The following NBPF14 variants were observed in gnomAD, a reference collection of about 807,000 sequenced individuals.
NBPF14 encodes NBPF member 14.
NBPF14 carries 104 observed loss-of-function variants against 91.2 expected under a neutral mutation model. The ratio of observed to expected loss-of-function variants is 1.14; its 90% confidence interval spans 0.97 to 1.34. NBPF14 has a LOEUF of 1.34. Among genes scored for constraint, NBPF14 ranks in the 40% most tolerant of loss-of-function variants. The probability of loss-of-function intolerance (pLI) is 0.00; values close to 1 mark genes in which losing one functional copy is unlikely to be tolerated. For missense variants in NBPF14, 908 were observed against 783.0 expected (o/e 1.16, Z -1.91); for synonymous variants, 294 against 303.8 (o/e 0.97, Z 0.34).
chr1:148,559,208 A>T, intron 37 of NBPF14, 136 bp from the exon 38 acceptor site: 2 of 479,550 alleles, frequency 4.2e-6, no homozygotes, highest in Non-Finnish European at 7.0e-6. Context: ...GATAGTCTTC[A>T]GGAGGCCTGA....
rs1388427186 is a variant in NBPF14, at chr1:148,595,298, G to A, written c.175+245C>T. On this transcript the variant is annotated intron_variant, in intron 2 of 70. Coordinates refer to ENST00000619423, the Ensembl canonical transcript of NBPF14. The stretch of plus-strand genomic sequence containing the variant: ...AGAAAACAGGTCATTCTGTGCCTGC[G>A]TTAGAAATCAATAACTGTGAGTTTA... Among the ~76,000 whole-genome samples the A allele has an allele frequency of 7.4e-5, 11 of 148,230 alleles. 1 individual carries two copies. Among genetic ancestry groups the A allele is most frequent in the East Asian group, 1.9e-4 (1 of 5,184 alleles).
intron 21 of NBPF14, 85 bp downstream of exon 21, chr1:148,572,358 T>C (rs1275069908): frequency 5.2e-5 from 17 of 326,456 alleles, no homozygotes; most frequent in Non-Finnish European, 7.7e-5. Context: ...GTCTCTCGGG[T>C]CAGTAAGGGG....
chr1:148,559,874 G>T lies in NBPF14; in HGVS notation c.4648C>A (p.Leu1550Met), dbSNP rs1271140063. The change falls in exon 37 of 71, where the codon CTG becomes ATG. Residue 1550 changes from leucine to methionine, a missense_variant. Leu to Met is a conservative substitution (Grantham distance 15). Coordinates refer to ENST00000619423, the Ensembl canonical transcript of NBPF14. Reference sequence around the variant, plus strand: ...CTATAGGGCTGGCATGAGTCAGTCAGTTCAAGACAACCTGAAGGAGTTGAA... The same window carrying T: ...CTATAGGGCTGGCATGAGTCAGTCATTTCAAGACAACCTGAAGGAGTTGAA... 5.6e-5 allele frequency: 79 copies of T among 1,416,064 alleles called. 12 individuals carry two copies. The East Asian group carries it at 1.9e-3, about 34-fold the overall frequency. The allele number at this position is 1,416,064 out of a possible 1,614,324, so 87.7% of individuals were successfully genotyped here.
chr1:148,534,302 C>A (rs1251260000), intron 69 of NBPF14, among the ~76,000 whole-genome samples: 11 of 151,686 alleles, frequency 7.3e-5, no homozygotes, highest in Admixed American at 4.6e-4. Flanking sequence ...AATATTTAGC[C>A]CTGTCTCATC....
chr1:148,534,669 T>A lies in NBPF14; in HGVS notation c.8614+15A>T. On this transcript the variant is annotated intron_variant, in intron 69 of 70. Transcript: ENST00000619423. ...ACCAGGTGGAGGCTTATCACCTTCA[T>A]AGTAAGGTACTCACTGTCCACGTCA... The A allele has an allele frequency of 1.2e-6, 1 of 804,136 alleles. No homozygotes were observed. Among genetic ancestry groups the A allele is most frequent in the South Asian group, 1.4e-5 (1 of 74,046 alleles). The allele number at this position is 804,136 out of a possible 1,614,324, so 49.8% of individuals were successfully genotyped here.
chr1:148,533,430 A>G (rs1383379054), intron 70 of NBPF14, among the ~76,000 whole-genome samples, 182 bp from the exon 71 acceptor site: 1 of 151,132 alleles, frequency 6.6e-6, no homozygotes, highest in Non-Finnish European at 1.5e-5. Flanking sequence ...GTAGAAAACA[A>G]TGAAAGAGAA....
At position 148,535,253 on chromosome 1, in the gene NBPF14, C is replaced by A. The variant is rs1164419373; in HGVS notation, c.8441+200G>T. Among the ~76,000 whole-genome samples, 79 of 150,596 alleles carry A rather than the reference C, an allele frequency of 5.2e-4. 1 individual carries two copies. The highest frequency in any genetic ancestry group is 1.9e-3 in the African/African-American group (78 of 40,370). ...CATACAGCCTTTGAGGTATGGTCAA[C>A]CTACAGTAAGTGAGTAAATGATAAG... On this transcript the variant is annotated intron_variant, in intron 68 of 70. Transcript: ENST00000619423.
intron 39 of NBPF14, 134 bp from the exon 40 acceptor site, chr1:148,557,676 A>T (rs2149496633): frequency 1.6e-6 from 1 of 616,562 alleles, no homozygotes; most frequent in African/African-American, 2.7e-5. Flanking sequence ...GATATACTTC[A>T]GGAGGCCTGA....
chr1:148,557,166 T>A (rs1656754697), intron 40 of NBPF14, among the ~76,000 whole-genome samples: 1 of 106,470 alleles, frequency 9.4e-6, no homozygotes, highest in Non-Finnish European at 1.7e-5. Context: ...TCTGAGTTAG[T>A]GCCCTCAGGA....
At chr1:148,572,777 C>G (rs1338368373) in intron 20 of NBPF14, among the ~76,000 whole-genome samples, 162 bp from the exon 21 acceptor site, 1 of 68,316 alleles carries the variant, frequency 1.5e-5, no homozygotes, top group African/African-American at 9.3e-5. Flanking sequence ...TAGAACAGGG[C>G]CAGATAGAAA....
chr1:148,572,399 G>A (rs1659242448), intron 21 of NBPF14, 44 bp downstream of exon 21: 20 of 415,884 alleles, frequency 4.8e-5, no homozygotes, highest in Non-Finnish European at 6.8e-5. Flanking sequence ...CCCCTATCTG[G>A]AAGACCAGGT....
chr1:148,554,762 T>C (rs1656435601), intron 43 of NBPF14, among the ~76,000 whole-genome samples: 1 of 147,060 alleles, frequency 6.8e-6, no homozygotes, highest in South Asian at 2.1e-4. Flanking sequence ...GAGTGAAGGA[T>C]GAAATCCACA....
rs1485777800 is a variant in NBPF14 at position 148,592,675 on chromosome 1, A to T, written c.370T>A (p.Tyr124Asn). The change falls in exon 4 of 71, where the codon TAT becomes AAT. Residue 124 changes from tyrosine to asparagine, a missense_variant. By Grantham distance (143) the Tyr-to-Asn change is moderately radical. Coordinates refer to ENST00000619423, the Ensembl canonical transcript of NBPF14. The stretch of plus-strand genomic sequence containing the variant: ...GTGAGGAGGGCCTGGAGATGCTCAT[A>T]CAATGAGCGGGAGGCATCTCTCCCT... The T allele has an allele frequency of 2.2e-4, 346 of 1,587,134 alleles. 24 individuals carry two copies. Among genetic ancestry groups the T allele is most frequent in the East Asian group, 1.1e-3 (49 of 44,814 alleles).
At chr1:148,578,164 T>G in intron 13 of NBPF14, 130 bp from the exon 14 acceptor site, 10 of 749,738 alleles carry the variant, frequency 1.3e-5, no homozygotes, top group South Asian at 1.3e-4. Flanking sequence ...GAGAGAAATA[T>G]TCCAGTAGGC....
chr1:148,533,517 G>A (rs1337753835), intron 70 of NBPF14, among the ~76,000 whole-genome samples: 5 of 151,208 alleles, frequency 3.3e-5, no homozygotes, highest in Non-Finnish European at 7.4e-5. Flanking sequence ...TACTGGTAAG[G>A]GAGTCAAAGG....
intron 37 of NBPF14, among the ~76,000 whole-genome samples, chr1:148,559,360 G>A (rs1657188515): frequency 7.7e-6 from 1 of 130,510 alleles, no homozygotes; most frequent in East Asian, 2.4e-4. Context: ...TCGATTTAAA[G>A]CAATTGCCCC....
At chr1:148,595,368 A>G (rs1663152753) in intron 2 of NBPF14, among the ~76,000 whole-genome samples, 175 bp downstream of exon 2, 1 of 148,366 alleles carries the variant, frequency 6.7e-6, no homozygotes, top group Non-Finnish European at 1.5e-5. Context: ...GAAAGTTGCT[A>G]AATACTTTGG....
At chr1:148,559,841 A>T (rs1657397364) in exon 37 of NBPF14, 2 of 1,530,422 alleles carry the variant, frequency 1.3e-6, no homozygotes, top group Non-Finnish European at 1.7e-6. Flanking sequence ...AATATGTAAA[A>T]GGCACTTCTA....
At chr1:148,577,913 C>A in intron 14 of NBPF14, 70 bp downstream of exon 14, 2 of 635,816 alleles carry the variant, frequency 3.1e-6, no homozygotes, top group South Asian at 1.8e-5. Context: ...TCAGGATGTA[C>A]TGTTTTCCCT....
Sources: gnomAD v4.1 joint callset for allele counts (sites outside exome capture counted in the v4.1 genomes callset) on GRCh38, gnomAD v4.1.1 for gene constraint, MANE v1.5 for transcripts, NCBI Gene and HGNC (gene_info 2026-07-23, HGNC 2026-07-21) for gene names.